Variants in PCDH9 observed in about 807,000 individuals in gnomAD.
The protein encoded by PCDH9 is protocadherin-9.
A neutral mutation model predicts 70.6 loss-of-function variants in PCDH9; 24 were observed. That is an observed-to-expected ratio of 0.34 (90% CI 0.25 to 0.48). The LOEUF (loss-of-function observed/expected upper bound fraction) is 0.48. Ranked by LOEUF, PCDH9 falls within the 20% of genes least tolerant of loss-of-function variation. The pLI is 0.99. For missense variants in PCDH9, 1,281 were observed against 1,503.6 expected (o/e 0.85, Z 2.45); for synonymous variants, 562 against 558.5 (o/e 1.01, Z -0.09).
At chr13:66,444,609 G>A (rs1461651991) in intron 4 of PCDH9, among the ~76,000 whole-genome samples, 1 of 152,032 alleles carries the variant, frequency 6.6e-6, no homozygotes, top group African/African-American at 2.4e-5. Flanking sequence ...CGCCCAGACT[G>A]AAGTGCAGTG....
At chr13:66,566,071 C>T (rs141237457) in intron 4 of PCDH9, among the ~76,000 whole-genome samples, 61 of 152,252 alleles carry the variant, frequency 4.0e-4, no homozygotes, top group African/African-American at 1.4e-3. Flanking sequence ...AGGATCATGC[C>T]ACAGGGTGAA....
chr13:66,835,321 G>A (rs2080998746), intron 3 of PCDH9, among the ~76,000 whole-genome samples: 1 of 152,168 alleles, frequency 6.6e-6, no homozygotes. Flanking sequence ...ATCGAGCTCG[G>A]CTCTTGGCAA....
intron 3 of PCDH9, among the ~76,000 whole-genome samples, chr13:66,700,869 C>G (rs1351637698): frequency 3.5e-5 from 5 of 142,520 alleles, no homozygotes; most frequent in Non-Finnish European, 7.6e-5. Flanking sequence ...CTTTGAAATC[C>G]TCTTTCTGAA....
chr13:66,918,787 TA>T (rs2082596289), intron 2 of PCDH9, among the ~76,000 whole-genome samples: 1 of 151,318 alleles, frequency 6.6e-6, no homozygotes, highest in African/African-American at 2.4e-5. Context: ...TTTATGATGA[TA>T]TTTTTTGATC....
At chr13:66,986,954 G>C (rs1046301030) in intron 2 of PCDH9, among the ~76,000 whole-genome samples, 1 of 151,780 alleles carries the variant, frequency 6.6e-6, no homozygotes, top group African/African-American at 2.4e-5. Flanking sequence ...ACACATTCCA[G>C]ATGATGTTTA....
intron 2 of PCDH9, among the ~76,000 whole-genome samples, chr13:67,085,822 A>G (rs1423894156): frequency 2.0e-5 from 3 of 152,220 alleles, no homozygotes; most frequent in Admixed American, 6.5e-5. Context: ...TTTCAATATA[A>G]AATTAGCATT....
At chr13:66,673,703 C>T (rs1288328377) in intron 3 of PCDH9, among the ~76,000 whole-genome samples, 3 of 152,126 alleles carry the variant, frequency 2.0e-5, no homozygotes, top group Non-Finnish European at 4.4e-5. Context: ...GATGCCCAAA[C>T]TTTGTACTTT....
intron 3 of PCDH9, among the ~76,000 whole-genome samples, chr13:66,681,447 T>A (rs2078317920): frequency 6.6e-6 from 1 of 152,108 alleles, no homozygotes; most frequent in South Asian, 2.1e-4. Flanking sequence ...AATTACAGAA[T>A]GATTTCTCTT....
At chr13:66,701,386 T>C (rs2078645989) in intron 3 of PCDH9, among the ~76,000 whole-genome samples, 1 of 152,102 alleles carries the variant, frequency 6.6e-6, no homozygotes, top group Non-Finnish European at 1.5e-5. Context: ...TGTAAATATA[T>C]ATATACATAT....
At chr13:66,845,480 C>A (rs2081191833) in intron 3 of PCDH9, among the ~76,000 whole-genome samples, 1 of 152,206 alleles carries the variant, frequency 6.6e-6, no homozygotes, top group East Asian at 1.9e-4. Context: ...GGGAGGCTTC[C>A]TGGGTCCCCA....
intron 4 of PCDH9, among the ~76,000 whole-genome samples, chr13:66,589,843 G>GA (rs1175519624): frequency 2.0e-5 from 3 of 152,060 alleles, no homozygotes; most frequent in African/African-American, 7.2e-5. Flanking sequence ...ATAGTTAAAT[G>GA]AAATAACTTT....
chr13:66,731,538 A>G (rs955129817), intron 3 of PCDH9, among the ~76,000 whole-genome samples: 1 of 152,086 alleles, frequency 6.6e-6, no homozygotes, highest in Non-Finnish European at 1.5e-5. Flanking sequence ...TCTATATGGT[A>G]TTAAGTTTAC....
At chr13:67,145,474 A>G (rs780428925) in intron 2 of PCDH9, among the ~76,000 whole-genome samples, 2 of 152,052 alleles carry the variant, frequency 1.3e-5, no homozygotes, top group Non-Finnish European at 2.9e-5. Context: ...AAGACAAAGT[A>G]TGATTTCTTA....
intron 2 of PCDH9, among the ~76,000 whole-genome samples, chr13:67,038,110 T>C (rs545832880): frequency 3.3e-5 from 5 of 152,144 alleles, no homozygotes; most frequent in Non-Finnish European, 7.4e-5. Context: ...AAGAAAATAA[T>C]TGCTAGAAGT....
rs950198489 is a variant in PCDH9 at position 66,887,134 on chromosome 13, T to C, written c.3138+16370A>G. On this transcript the variant is annotated intron_variant, in intron 3 of 4. Coordinates refer to ENST00000377865, the MANE Select transcript of PCDH9 (RefSeq NM_203487.3). The stretch of plus-strand genomic sequence containing the variant: ...TCCAGAAAATCTTCTAGCAATGCCT[T>C]TTTTTTTTTCTGGATTTGCAATTTT... Among the ~76,000 whole-genome samples the C allele has an allele frequency of 6.4e-4, 92 of 144,008 alleles. 6 individuals are homozygous for C. The highest frequency in any genetic ancestry group is 1.5e-4 in the Non-Finnish European group (10 of 66,738). 94.5% of individuals were successfully genotyped at this position (144,008 alleles called of 152,430 possible).
intron 4 of PCDH9, among the ~76,000 whole-genome samples, chr13:66,628,856 A>C (rs543912213): frequency 4.2e-4 from 64 of 152,358 alleles, no homozygotes; most frequent in South Asian, 2.9e-3. Context: ...GATACTTCTC[A>C]GTTGGCCCTG....
chr13:66,883,558 A>G (rs2081956779), intron 3 of PCDH9, among the ~76,000 whole-genome samples: 1 of 152,214 alleles, frequency 6.6e-6, no homozygotes, highest in Non-Finnish European at 1.5e-5. Flanking sequence ...ACACCCCTTG[A>G]AATAATGGTT....
chr13:67,047,790 T>C (rs371886017), intron 2 of PCDH9, among the ~76,000 whole-genome samples: 91 of 152,312 alleles, frequency 6.0e-4, no homozygotes, highest in African/African-American at 1.9e-3. Context: ...TTTAAAAATA[T>C]CTTGCATGGT....
rs56702880 is a variant in PCDH9 at position 66,335,505 on chromosome 13, A to G, written c.3341-30477T>C. Among the ~76,000 whole-genome samples the G allele has an allele frequency of 9.0e-3, 1,370 of 152,290 alleles. 22 individuals are homozygous for G. The highest frequency in any genetic ancestry group is 0.031 in the African/African-American group (1,282 of 41,568). On this transcript the variant is annotated intron_variant, in intron 4 of 4. Transcript: ENST00000377865. ...GTACTTATATACCAGGGACCATGCC[A>G]AATATCAGATACACATTATCTTATG...
Sources: gnomAD v4.1 joint callset for allele counts (sites outside exome capture counted in the v4.1 genomes callset) on GRCh38, gnomAD v4.1.1 for gene constraint, MANE v1.5 for transcripts, NCBI Gene and HGNC (gene_info 2026-07-23, HGNC 2026-07-21) for gene names.